BEND6: variants seen among roughly 807,000 people sequenced by gnomAD.
BEND6 encodes BEN domain-containing protein 6.
A neutral mutation model predicts 31.8 loss-of-function variants in BEND6; 24 were observed. The ratio of observed to expected loss-of-function variants is 0.75; its 90% CI spans 0.55 to 1.06. BEND6 has a LOEUF of 1.06. BEND6 is among the 50% of genes least tolerant of loss of function. The pLI, the probability that BEND6 is intolerant of heterozygous loss-of-function variation, is 0.00. For missense variants in BEND6, 294 were observed against 327.4 expected, an observed-to-expected ratio of 0.90 and a Z score of 0.79; for synonymous variants, 109 against 114.6, an observed-to-expected ratio of 0.95 and a Z score of 0.31.
At chr6:57,004,747 A>C in intron 3 of BEND6, 1 of 1,187,256 alleles carries the variant, frequency 8.4e-7, no homozygotes, top group Admixed American at 1.7e-5. Flanking sequence ...GTGTGACTTC[A>C]CTGAGACACA....
chr6:56,980,655 T>A (rs1214247972), intron 1 of BEND6, among the ~76,000 whole-genome samples: 10 of 152,220 alleles, frequency 6.6e-5, no homozygotes, highest in Admixed American at 6.5e-4. Flanking sequence ...CAAGCATTTT[T>A]GACAGGACCA....
At chr6:57,014,338 CA>C (rs1309645236) in intron 3 of BEND6, 6 of 467,872 alleles carry the variant, frequency 1.3e-5, no homozygotes, top group Admixed American at 8.7e-5. Context: ...AAGAAAAGTA[CA>C]AAAAAAGTTT....
intron 1 of BEND6, among the ~76,000 whole-genome samples, chr6:56,975,069 A>G (rs1408616821): frequency 6.6e-6 from 1 of 152,130 alleles, no homozygotes; most frequent in African/African-American, 2.4e-5. Flanking sequence ...AGGAGCTGAG[A>G]CCGAGCCATT....
rs182861309 is a variant in BEND6, at chr6:57,023,848, T to A, written c.*10-2234T>A. On this transcript the variant is annotated intron_variant, in intron 6 of 6. Coordinates refer to ENST00000370746, the MANE Select transcript of BEND6 (RefSeq NM_152731.3). Reference sequence around the variant, plus strand: ...GACTTACTACTGCTATTTTGTAGCTTGTATATTTTCTAACTCCTCTCTTCC... The same window carrying A: ...GACTTACTACTGCTATTTTGTAGCTAGTATATTTTCTAACTCCTCTCTTCC... Among the ~76,000 whole-genome samples, 9 of 152,354 alleles carry A rather than the reference T, an allele frequency of 5.9e-5. No individual in the cohort carries two copies. The East Asian group carries it at 1.3e-3, about 23-fold the overall frequency.
Position 57,014,509 on chromosome 6 carries a change from A to G in BEND6, c.299-624A>G, listed in dbSNP as rs1237752494. On this transcript the variant is annotated intron_variant, in intron 3 of 6. Coordinates refer to ENST00000370746, the MANE Select transcript of BEND6 (RefSeq NM_152731.3). ...AGAGAAGACCATTTTACATGGAGGC[A>G]TGAAAACTTTGAATGTGTAAGTTTC... 7 of 1,523,838 alleles carry G rather than the reference A, an allele frequency of 4.6e-6. No homozygotes were observed. The East Asian group carries it at 1.3e-4, about 28-fold the overall frequency. 94.4% of individuals were successfully genotyped at this position (1,523,838 alleles called of 1,614,324 possible).
intron 3 of BEND6, chr6:57,004,545 G>GCC: frequency 1.3e-6 from 1 of 792,338 alleles, no homozygotes; most frequent in Non-Finnish European, 2.2e-6. Flanking sequence ...ACTACCACAT[G>GCC]CCCCTCACAG....
chr6:56,966,606 T>C (rs1825488582), intron 1 of BEND6, among the ~76,000 whole-genome samples: 1 of 152,222 alleles, frequency 6.6e-6, no homozygotes, highest in Non-Finnish European at 1.5e-5. Flanking sequence ...TTGATTGGGA[T>C]AAGTGACACT....
At chr6:57,017,462 A>G in intron 5 of BEND6, 63 bp downstream of exon 5, 1 of 1,201,210 alleles carries the variant, frequency 8.3e-7, no homozygotes, top group Non-Finnish European at 1.1e-6. Context: ...CTCAAGGTCA[A>G]GATAGTCTTT....
intron 1 of BEND6, among the ~76,000 whole-genome samples, chr6:56,966,913 AAAAAT>A (rs1224929453): frequency 6.6e-6 from 1 of 152,204 alleles, no homozygotes; most frequent in Non-Finnish European, 1.5e-5. Flanking sequence ...AAAGAGCAAA[AAAAAT>A]AAACCCCTTT....
rs1167098396 is a variant in BEND6 at position 56,981,772 on chromosome 6, C to T, written c.-39C>T. The T allele has an allele frequency of 1.2e-6, 2 of 1,607,230 alleles. No homozygotes were observed. The highest frequency in any genetic ancestry group is 1.3e-5 in the African/African-American group (1 of 74,746). On this transcript the variant is annotated 5_prime_UTR_variant, in exon 2 of 7. Transcript: ENST00000370746. ...ATCATCTTCATGGGTATTCCCTACTCCTAGGATTTCAGAAAACCTTTGATA... is the reference window on the plus strand; with the variant it reads ...ATCATCTTCATGGGTATTCCCTACTTCTAGGATTTCAGAAAACCTTTGATA...
intron 3 of BEND6, among the ~76,000 whole-genome samples, chr6:56,995,178 G>T (rs1342876160): frequency 6.7e-6 from 1 of 149,752 alleles, no homozygotes; most frequent in Admixed American, 6.7e-5. Flanking sequence ...CTTCTCTAAT[G>T]AATCATTCCC....
chr6:57,009,814 C>CA (rs1315312988), intron 3 of BEND6: 1 of 151,902 alleles, frequency 6.6e-6, no homozygotes, highest in African/African-American at 2.4e-5. Flanking sequence ...CAGTGGTATT[C>CA]AAAAAAGAAG....
At chr6:56,986,742 C>T (rs932502934) in intron 2 of BEND6, among the ~76,000 whole-genome samples, 2 of 152,156 alleles carry the variant, frequency 1.3e-5, no homozygotes, top group Non-Finnish European at 2.9e-5. Context: ...CGAAGTCTTG[C>T]ACTCAGCCTC....
chr6:56,976,156 A>G (rs1415025037), intron 1 of BEND6: 3 of 197,892 alleles, frequency 1.5e-5, no homozygotes, highest in South Asian at 1.0e-4. Context: ...GTGCATGCCA[A>G]TCATGCCAAA....
At chr6:56,991,197 T>C (rs1826485442) in intron 2 of BEND6, among the ~76,000 whole-genome samples, 1 of 152,244 alleles carries the variant, frequency 6.6e-6, no homozygotes, top group Non-Finnish European at 1.5e-5. Context: ...TTATCTTTGG[T>C]AGCTTTCAGT....
At chr6:56,995,223 A>T (rs35605425) in intron 3 of BEND6, among the ~76,000 whole-genome samples, 21,488 of 140,736 alleles carry the variant, frequency 0.15, 1,629 homozygotes, top group Middle Eastern at 0.21. Context: ...TCTCCCATTT[A>T]AAAAAAAAAA....
chr6:56,993,750 T>A (rs748198103), intron 3 of BEND6, among the ~76,000 whole-genome samples: 25 of 152,176 alleles, frequency 1.6e-4, no homozygotes, highest in Non-Finnish European at 3.4e-4. Flanking sequence ...CAGGATGGAG[T>A]GCAGTGGTGA....
Position 57,000,568 on chromosome 6 carries a change from A to G in BEND6, c.298+8013A>G, listed in dbSNP as rs372379417. ...CGAGAAACACCCAAGAATGATCAAT[A>G]AATACTAAAAAAACAAACAAAAAAA... On this transcript the variant is annotated intron_variant, in intron 3 of 6. Coordinates refer to ENST00000370746, the MANE Select transcript of BEND6 (RefSeq NM_152731.3). 1.1e-4 allele frequency among the ~76,000 whole-genome samples: 17 copies of G among 150,460 alleles called. No individual in the cohort carries two copies. The South Asian group carries it at 3.4e-3, about 30-fold the overall frequency.
intron 1 of BEND6, among the ~76,000 whole-genome samples, chr6:56,979,727 C>T (rs1417536521): frequency 6.6e-6 from 1 of 152,180 alleles, no homozygotes; most frequent in African/African-American, 2.4e-5. Context: ...TTCTCTCTTG[C>T]TATGTAAATA....
Sources: allele counts gnomAD v4.1 joint callset (sites outside exome capture counted in the v4.1 genomes callset), GRCh38; gene constraint gnomAD v4.1.1; transcripts MANE v1.5; gene names NCBI Gene and HGNC (gene_info 2026-07-23, HGNC 2026-07-21).